The following CRB1 variants were observed in gnomAD, a reference collection of about 807,000 sequenced individuals.
The protein encoded by CRB1 is protein crumbs homolog 1.
CRB1 carries 83 observed loss-of-function variants against 120.0 expected under a neutral mutation model. The ratio of observed to expected loss-of-function variants is 0.69; its 90% CI spans 0.58 to 0.83. The LOEUF is 0.83. Among genes scored for constraint, CRB1 ranks in the 40% least tolerant of loss-of-function variants. The pLI is 0.00. For missense variants in CRB1, 1,699 were observed against 1,687.6 expected (o/e 1.01, Z -0.12); for synonymous variants, 625 against 612.5 (o/e 1.02, Z -0.30).
intron 1 of CRB1, among the ~76,000 whole-genome samples, chr1:197,302,549 A>G (rs1656930104): frequency 6.6e-6 from 1 of 152,210 alleles, no homozygotes; most frequent in Non-Finnish European, 1.5e-5. Context: ...AATATACACA[A>G]GATGGGGCCA....
intron 5 of CRB1, among the ~76,000 whole-genome samples, chr1:197,366,373 A>G (rs1406163744): frequency 8.5e-5 from 13 of 152,176 alleles, no homozygotes; most frequent in Middle Eastern, 3.2e-3. Flanking sequence ...GTATTTGTGC[A>G]TAGTACATTT....
intron 1 of CRB1, among the ~76,000 whole-genome samples, chr1:197,283,848 TCAAA>T (rs1655674297): frequency 6.6e-6 from 1 of 151,526 alleles, no homozygotes; most frequent in African/African-American, 2.4e-5. Flanking sequence ...ATTTAGTTAT[TCAAA>T]CAATAAATTT....
At position 197,344,229 on chromosome 1, in the gene CRB1, G is replaced by C. The variant is rs1024980648; in HGVS notation, c.653-52G>C. The C allele has an allele frequency of 3.0e-5, 46 of 1,552,916 alleles. No homozygotes were observed. The African/African-American group carries it at 4.8e-4, about 16-fold the overall frequency. On this transcript the variant is annotated intron_variant, in intron 2 of 11. Coordinates refer to ENST00000367400, the MANE Select transcript of CRB1 (RefSeq NM_201253.3). ...AAGCATTGTCAAATTGCTAAATTATGAACACTTTGCTAAAACTTTTTCTGT... is the reference window on the plus strand; with the variant it reads ...AAGCATTGTCAAATTGCTAAATTATCAACACTTTGCTAAAACTTTTTCTGT...
intron 2 of CRB1, among the ~76,000 whole-genome samples, chr1:197,332,291 C>T (rs1423348032): frequency 6.6e-6 from 1 of 152,172 alleles, no homozygotes; most frequent in Admixed American, 6.5e-5. Context: ...CCTGTAGGGT[C>T]CAATGGGAAT....
At chr1:197,435,864 T>C (rs1665136051) in intron 9 of CRB1, among the ~76,000 whole-genome samples, 1 of 152,154 alleles carries the variant, frequency 6.6e-6, no homozygotes, top group African/African-American at 2.4e-5. Flanking sequence ...TGTGAAAATA[T>C]GTCTCATGAA....
chr1:197,386,831 C>G (rs142593000), intron 5 of CRB1, among the ~76,000 whole-genome samples: 1 of 152,082 alleles, frequency 6.6e-6, no homozygotes. Flanking sequence ...AAAATCGGAG[C>G]GAATATTTTC....
intron 1 of CRB1, among the ~76,000 whole-genome samples, chr1:197,309,615 G>A (rs1177982092): frequency 2.0e-5 from 3 of 152,002 alleles, no homozygotes; most frequent in Non-Finnish European, 4.4e-5. Context: ...TTAGCTGGGC[G>A]TGGTGGCAGG....
chr1:197,284,485 C>A (rs1442134808), intron 1 of CRB1, among the ~76,000 whole-genome samples: 5 of 152,042 alleles, frequency 3.3e-5, no homozygotes, highest in African/African-American at 9.6e-5. Context: ...TTCTTCAGGG[C>A]AGCTCCATTT....
intron 5 of CRB1, among the ~76,000 whole-genome samples, chr1:197,381,499 G>A (rs779871811): frequency 2.6e-5 from 4 of 152,074 alleles, no homozygotes; most frequent in Non-Finnish European, 5.9e-5. Flanking sequence ...GATTTCCTCC[G>A]TGAAGCATTC....
At chr1:197,244,794 T>C in the CRB1 span, among the ~76,000 whole-genome samples, 366 of 152,044 alleles carry the variant, frequency 2.4e-3, 1 homozygote, top group African/African-American at 8.3e-3. Flanking sequence ...TCAAAGACTC[T>C]AATCACACAA....
At chr1:197,469,432 TG>T (rs1428203572) in intron 11 of CRB1, among the ~76,000 whole-genome samples, 1 of 151,968 alleles carries the variant, frequency 6.6e-6, no homozygotes, top group Non-Finnish European at 1.5e-5. Context: ...ATTGTGACTG[TG>T]GGAATGCAGA....
chr1:197,217,816 T>C, the CRB1 span, among the ~76,000 whole-genome samples: 1 of 152,176 alleles, frequency 6.6e-6, no homozygotes, highest in African/African-American at 2.4e-5. Context: ...CTTTATGATA[T>C]ATGAACTATA....
chr1:197,368,437 C>T (rs530553664), intron 5 of CRB1, among the ~76,000 whole-genome samples: 5 of 152,256 alleles, frequency 3.3e-5, no homozygotes, highest in African/African-American at 7.2e-5. Context: ...TAACTATTTA[C>T]GCTTGTACTC....
chr1:197,459,908 T>C (rs1666446114), intron 11 of CRB1, among the ~76,000 whole-genome samples: 1 of 151,084 alleles, frequency 6.6e-6, no homozygotes, highest in Non-Finnish European at 1.5e-5. Context: ...GCTTATTAAA[T>C]CCACAAAATC....
At chr1:197,353,641 A>C (rs114548181) in intron 4 of CRB1, among the ~76,000 whole-genome samples, 2,952 of 152,002 alleles carry the variant, frequency 0.019, 115 homozygotes, top group African/African-American at 0.068. Context: ...TCTCTACTAA[A>C]CATGCAAAAA....
At chr1:197,275,961 A>G (rs1655185530) in intron 1 of CRB1, among the ~76,000 whole-genome samples, 1 of 151,598 alleles carries the variant, frequency 6.6e-6, no homozygotes, top group Admixed American at 6.6e-5. Flanking sequence ...GAAGGTACTC[A>G]GTCATCTAGT....
chr1:197,214,042 A>G, the CRB1 span, among the ~76,000 whole-genome samples: 1 of 152,132 alleles, frequency 6.6e-6, no homozygotes, highest in Admixed American at 6.5e-5. Flanking sequence ...TAAAGATAAG[A>G]GCCAAAATAA....
the CRB1 span, among the ~76,000 whole-genome samples, chr1:197,219,529 C>T: frequency 2.6e-5 from 4 of 152,174 alleles, no homozygotes; most frequent in Non-Finnish European, 5.9e-5. Flanking sequence ...TATACGACTG[C>T]TAATATAATG....
intron 5 of CRB1, among the ~76,000 whole-genome samples, chr1:197,412,278 C>G (rs1923761): frequency 0.069 from 10,461 of 152,160 alleles, 1,240 homozygotes; most frequent in African/African-American, 0.24. Context: ...CTTATGCTGT[C>G]TACAAAAAAG....
Sources: gnomAD v4.1 joint callset for allele counts (sites outside exome capture counted in the v4.1 genomes callset) on GRCh38, gnomAD v4.1.1 for gene constraint, MANE v1.5 for transcripts, NCBI Gene and HGNC (gene_info 2026-07-23, HGNC 2026-07-21) for gene names.